The following KLF8 variants were observed in gnomAD, a reference collection of about 807,000 sequenced individuals.
KLF8 encodes Krueppel-like factor 8.
In KLF8, 10 loss-of-function variants were observed where a neutral mutation model predicts 18.2. That is an observed-to-expected ratio of 0.55 (90% CI 0.34 to 0.93). KLF8 has a LOEUF of 0.93. KLF8 is among the 40% of genes least tolerant of loss of function. The probability of loss-of-function intolerance (pLI) is 0.02; values close to 1 mark genes in which losing one functional copy is unlikely to be tolerated. For missense variants in KLF8, 264 were observed against 277.9 expected, an observed-to-expected ratio of 0.95 and a Z score of 0.36; for synonymous variants, 109 against 97.3, an observed-to-expected ratio of 1.12 and a Z score of -0.71.
the KLF8 span, among the ~76,000 whole-genome samples, chrX:56,076,414 G>C: frequency 9.3e-6 from 1 of 107,881 alleles, no homozygotes; most frequent in Non-Finnish European, 1.9e-5. Context: ...TCTTGCAGCA[G>C]TTTACTGAGA....
chrX:56,052,097 C>A, the KLF8 span, among the ~76,000 whole-genome samples: 1 of 111,920 alleles, frequency 8.9e-6, no homozygotes, highest in Non-Finnish European at 1.9e-5. Context: ...ACGTAGTTCT[C>A]AAGCCTTGGT....
At chrX:56,263,508 CA>C (rs2066915873) in intron 2 of KLF8, among the ~76,000 whole-genome samples, 1 of 109,759 alleles carries the variant, frequency 9.1e-6, no homozygotes, top group Non-Finnish European at 1.9e-5. Context: ...GTTTTTGACG[CA>C]GAGTCTTGCT....
chrX:56,281,844 T>C (rs1023856197), intron 5 of KLF8, among the ~76,000 whole-genome samples: 1 of 112,915 alleles, frequency 8.9e-6, no homozygotes, highest in African/African-American at 3.2e-5. Context: ...ATGATGTTCA[T>C]TGGCACAAAC....
At chrX:56,251,624 G>A (rs947007903) in intron 2 of KLF8, among the ~76,000 whole-genome samples, 4 of 108,928 alleles carry the variant, frequency 3.7e-5, no homozygotes, top group Non-Finnish European at 5.7e-5. Context: ...CACCATGCCC[G>A]GCTAATTTTT....
chrX:56,187,722 T>G, the KLF8 span, among the ~76,000 whole-genome samples: 1 of 110,630 alleles, frequency 9.0e-6, no homozygotes, highest in African/African-American at 3.3e-5. Flanking sequence ...ATTCAATATA[T>G]GCAAATCAAT....
At chrX:56,150,056 G>A in the KLF8 span, among the ~76,000 whole-genome samples, 1 of 112,000 alleles carries the variant, frequency 8.9e-6, no homozygotes, top group African/African-American at 3.2e-5. Flanking sequence ...TCCACTTGGA[G>A]TAAAGACTCA....
the KLF8 span, among the ~76,000 whole-genome samples, chrX:56,085,141 A>C: frequency 8.9e-6 from 1 of 112,091 alleles, no homozygotes; most frequent in Non-Finnish European, 1.9e-5. Flanking sequence ...AAATGAGCTT[A>C]TCTGGCCTAC....
chrX:56,167,986 G>A, the KLF8 span, among the ~76,000 whole-genome samples: 3 of 111,833 alleles, frequency 2.7e-5, no homozygotes, highest in Non-Finnish European at 5.6e-5. Context: ...CATAAATGGA[G>A]CTATATCTCC....
intron 2 of KLF8, among the ~76,000 whole-genome samples, chrX:56,253,686 T>C (rs2147616103): frequency 9.0e-6 from 1 of 110,665 alleles, no homozygotes; most frequent in Admixed American, 9.6e-5. Flanking sequence ...TAACAGGCTA[T>C]TCTCGGTATT....
the KLF8 span, among the ~76,000 whole-genome samples, chrX:56,164,929 A>G: frequency 3.8e-5 from 2 of 52,906 alleles, no homozygotes; most frequent in African/African-American, 1.6e-4. Flanking sequence ...CAGTCCCCAG[A>G]GTGTGATATT....
chrX:56,184,343 C>T, the KLF8 span, among the ~76,000 whole-genome samples: 1 of 112,534 alleles, frequency 8.9e-6, no homozygotes, highest in Non-Finnish European at 1.9e-5. Context: ...ATTGCCCGGG[C>T]TTGCTTAGGT....
the KLF8 span, among the ~76,000 whole-genome samples, chrX:56,133,366 C>T: frequency 0.028 from 3,098 of 111,708 alleles, 122 homozygotes; most frequent in African/African-American, 0.095. Context: ...TTAACTTATG[C>T]AAGTAAATAA....
At chrX:56,062,703 T>C in the KLF8 span, among the ~76,000 whole-genome samples, 1 of 111,319 alleles carries the variant, frequency 9.0e-6, no homozygotes, top group Non-Finnish European at 1.9e-5. Context: ...AATTTGAATG[T>C]TGGCCTGTCT....
the KLF8 span, among the ~76,000 whole-genome samples, chrX:56,173,792 T>C: frequency 1.8e-5 from 2 of 111,795 alleles, no homozygotes; most frequent in Admixed American, 9.5e-5. Flanking sequence ...TGGTTTGTAG[T>C]TCTCCTTGAA....
At chrX:56,109,895 G>A in the KLF8 span, among the ~76,000 whole-genome samples, 2 of 110,624 alleles carry the variant, frequency 1.8e-5, no homozygotes, top group Non-Finnish European at 3.8e-5. Flanking sequence ...CACCTATTAA[G>A]CCCAGCATGC....
chrX:56,033,557 G>A, the KLF8 span, among the ~76,000 whole-genome samples: 32 of 111,406 alleles, frequency 2.9e-4, no homozygotes, highest in Non-Finnish European at 4.5e-4. Flanking sequence ...TGGATCATAT[G>A]GTAGTTCTAT....
the KLF8 span, among the ~76,000 whole-genome samples, chrX:56,174,873 T>C: frequency 8.9e-6 from 1 of 112,133 alleles, no homozygotes; most frequent in Non-Finnish European, 1.9e-5. Context: ...GATTTTCTAG[T>C]TTATTTGCAT....
chrX:56,096,545 A>G, the KLF8 span, among the ~76,000 whole-genome samples: 1 of 111,858 alleles, frequency 8.9e-6, no homozygotes, highest in African/African-American at 3.2e-5. Flanking sequence ...AAAAGCAGGG[A>G]TTAGTGGGAA....
At chrX:55,998,146 C>T in the KLF8 span, among the ~76,000 whole-genome samples, 1 of 112,734 alleles carries the variant, frequency 8.9e-6, no homozygotes, top group African/African-American at 3.2e-5. Context: ...ACATGTCCCA[C>T]CTCCAGCCCT....
Sources: gnomAD v4.1 joint callset for allele counts (sites outside exome capture counted in the v4.1 genomes callset) on GRCh38, gnomAD v4.1.1 for gene constraint, MANE v1.5 for transcripts, NCBI Gene and HGNC (gene_info 2026-07-23, HGNC 2026-07-21) for gene names.